Variants in DCC observed in about 807,000 individuals in gnomAD.
DCC encodes netrin receptor DCC.
In DCC, 58 loss-of-function variants were observed where a neutral mutation model predicts 172.5. That is an observed-to-expected ratio of 0.34 (90% CI 0.27 to 0.42). The LOEUF (loss-of-function observed/expected upper bound fraction) is 0.42. Among genes scored for constraint, DCC ranks in the 10% least tolerant of loss-of-function variants. The probability of loss-of-function intolerance (pLI) is 1.00; values close to 1 mark genes in which losing one functional copy is unlikely to be tolerated. For synonymous variants in DCC, 709 were observed against 644.5 expected, an observed-to-expected ratio of 1.10 and a Z score of -1.52; for missense variants, 1,740 against 1,791.0, an observed-to-expected ratio of 0.97 and a Z score of 0.51.
chr18:52,556,059 A>T (rs1460675589), intron 1 of DCC, among the ~76,000 whole-genome samples: 3 of 152,132 alleles, frequency 2.0e-5, no homozygotes, highest in Non-Finnish European at 4.4e-5. Flanking sequence ...TTTGAATCAA[A>T]TTTCATTGAA....
At chr18:52,760,950 C>T (rs561575911) in intron 2 of DCC, among the ~76,000 whole-genome samples, 2 of 152,098 alleles carry the variant, frequency 1.3e-5, no homozygotes, top group South Asian at 4.2e-4. Flanking sequence ...AATTACTTAT[C>T]TCCCTGTAAA....
chr18:52,895,702 T>A (rs1357424323), intron 2 of DCC, among the ~76,000 whole-genome samples: 1 of 152,248 alleles, frequency 6.6e-6, no homozygotes. Flanking sequence ...TTTACTATTT[T>A]AAATAACAAT....
chr18:53,065,113 T>C (rs191340913), intron 6 of DCC, among the ~76,000 whole-genome samples: 1 of 152,270 alleles, frequency 6.6e-6, no homozygotes, highest in Non-Finnish European at 1.5e-5. Flanking sequence ...ACACTTAACA[T>C]TGAGCACAAA....
chr18:52,783,793 G>C (rs576480121), intron 2 of DCC, among the ~76,000 whole-genome samples: 1 of 151,890 alleles, frequency 6.6e-6, no homozygotes, highest in South Asian at 2.1e-4. Flanking sequence ...GCCTTACAGG[G>C]CAATACATAC....
At chr18:53,103,499 T>G (rs1326340658) in intron 7 of DCC, among the ~76,000 whole-genome samples, 1 of 152,096 alleles carries the variant, frequency 6.6e-6, no homozygotes, top group Non-Finnish European at 1.5e-5. Flanking sequence ...TGCCTCAGCT[T>G]CCAAGTAGCT....
intron 1 of DCC, among the ~76,000 whole-genome samples, chr18:52,566,924 T>C (rs1009913428): frequency 3.3e-5 from 5 of 152,186 alleles, no homozygotes; most frequent in Non-Finnish European, 7.3e-5. Context: ...ACAAGCTATA[T>C]GATAAAACTT....
At chr18:52,899,575 G>A (rs1179746569) in intron 2 of DCC, among the ~76,000 whole-genome samples, 4 of 151,598 alleles carry the variant, frequency 2.6e-5, no homozygotes, top group Non-Finnish European at 5.9e-5. Context: ...GGCTGGTCTC[G>A]AACTCCGGAA....
chr18:52,455,558 G>C (rs1988431397), intron 1 of DCC, among the ~76,000 whole-genome samples: 1 of 152,188 alleles, frequency 6.6e-6, no homozygotes, highest in African/African-American at 2.4e-5. Context: ...AATTTGGCCA[G>C]TGGCCTCCAA....
intron 27 of DCC, among the ~76,000 whole-genome samples, chr18:53,516,212 T>C (rs2046332233): frequency 6.6e-6 from 1 of 151,170 alleles, no homozygotes; most frequent in African/African-American, 2.5e-5. Flanking sequence ...GGATTCCCTA[T>C]TTAATAAATG....
At chr18:52,875,222 A>C (rs1360415612) in intron 2 of DCC, among the ~76,000 whole-genome samples, 1 of 125,878 alleles carries the variant, frequency 7.9e-6, no homozygotes, top group Non-Finnish European at 1.8e-5. Context: ...AACACACAAC[A>C]GCGAAACTTT....
At chr18:53,278,629 T>C (rs1347199467) in intron 12 of DCC, among the ~76,000 whole-genome samples, 1 of 152,192 alleles carries the variant, frequency 6.6e-6, no homozygotes, top group East Asian at 1.9e-4. Flanking sequence ...CCTATTGATG[T>C]GACTTGATAA....
intron 2 of DCC, among the ~76,000 whole-genome samples, chr18:52,875,919 G>A (rs1467643257): frequency 6.6e-6 from 1 of 152,126 alleles, no homozygotes; most frequent in East Asian, 1.9e-4. Flanking sequence ...CCTGCCCAAG[G>A]ATGAAGAAAT....
chr18:52,409,534 T>A (rs921972107), intron 1 of DCC, among the ~76,000 whole-genome samples: 1 of 152,148 alleles, frequency 6.6e-6, no homozygotes, highest in Non-Finnish European at 1.5e-5. Context: ...GCACACTGGA[T>A]TTAGAGCCAG....
chr18:52,879,594 G>A (rs1319921421), intron 2 of DCC, among the ~76,000 whole-genome samples: 1 of 151,506 alleles, frequency 6.6e-6, no homozygotes, highest in Non-Finnish European at 1.5e-5. Context: ...ATTATGCCCA[G>A]GTAATTGTTT....
intron 1 of DCC, among the ~76,000 whole-genome samples, chr18:52,528,384 G>A (rs1026478725): frequency 1.3e-5 from 2 of 152,108 alleles, no homozygotes; most frequent in East Asian, 1.9e-4. Flanking sequence ...AGAAATGAGA[G>A]ATTTATTATA....
intron 2 of DCC, among the ~76,000 whole-genome samples, chr18:52,879,668 G>A (rs574290796): frequency 6.6e-6 from 1 of 152,022 alleles, no homozygotes; most frequent in Non-Finnish European, 1.5e-5. Flanking sequence ...CTGACCTCAT[G>A]GTCTGCTCAC....
chr18:53,171,441 A>ATTCT (rs1348517548), intron 8 of DCC, among the ~76,000 whole-genome samples: 9 of 152,150 alleles, frequency 5.9e-5, no homozygotes, highest in African/African-American at 1.9e-4. Context: ...TCATGGAAAC[A>ATTCT]TTTTCAAAAG....
At chr18:53,009,412 A>G (rs1180145716) in intron 5 of DCC, among the ~76,000 whole-genome samples, 1 of 151,966 alleles carries the variant, frequency 6.6e-6, no homozygotes, top group Non-Finnish European at 1.5e-5. Flanking sequence ...TACTCTACAT[A>G]TGATGGTGTC....
At position 53,239,227 on chromosome 18, in the gene DCC, GA is replaced by G. The variant is rs533743206; in HGVS notation, c.1911+23642del. Among the ~76,000 whole-genome samples, 956 of 126,700 alleles carry G rather than the reference GA, an allele frequency of 7.5e-3. 8 individuals carry two copies. Among genetic ancestry groups the G allele is most frequent in the African/African-American group, 0.026 (897 of 34,980 alleles). 83.1% of individuals were successfully genotyped at this position (126,700 alleles called of 152,430 possible). ...AAATAAATAAATAAAAAATAAAAAT[GA>G]AAAAAAAAAAACTCCAGCAAAGTCC... On this transcript the variant is annotated intron_variant, in intron 12 of 28. Coordinates refer to ENST00000442544, the MANE Select transcript of DCC (RefSeq NM_005215.4).
Sources: gnomAD v4.1 joint callset for allele counts (sites outside exome capture counted in the v4.1 genomes callset) on GRCh38, gnomAD v4.1.1 for gene constraint, MANE v1.5 for transcripts, NCBI Gene and HGNC (gene_info 2026-07-23, HGNC 2026-07-21) for gene names.